UBA1: variants seen among roughly 807,000 people sequenced by gnomAD.
The protein encoded by UBA1 is ubiquitin like modifier activating enzyme 1, also known as ubiquitin-like modifier-activating enzyme 1.
In UBA1, 4 loss-of-function variants were observed where a neutral mutation model predicts 84.7. That is an observed-to-expected ratio of 0.05 (90% CI 0.02 to 0.11). UBA1 has a LOEUF of 0.11. UBA1 is among the 10% of genes least tolerant of loss of function. The pLI, the probability that UBA1 is intolerant of heterozygous loss-of-function variation, is 1.00. For synonymous variants in UBA1, 364 were observed against 362.6 expected, an observed-to-expected ratio of 1.00 and a Z score of -0.04; for missense variants, 513 against 902.8, an observed-to-expected ratio of 0.57 and a Z score of 5.53.
chrX:47,203,027 A>G lies in UBA1; in HGVS notation c.1318A>G (p.Thr440Ala). 1 of 1,210,481 alleles carries G rather than the reference A, an allele frequency of 8.3e-7. No homozygotes were observed. Among genetic ancestry groups the G allele is most frequent in the Non-Finnish European group, 1.1e-6 (1 of 894,092 alleles). ...ECLPEDKEVLTEDKCLQRQNR... is the reference protein window; with the variant it reads ...ECLPEDKEVLAEDKCLQRQNR... The stretch of plus-strand genomic sequence containing the variant: ...TCTCCCTGAGGACAAAGAGGTCCTC[A>G]CAGAGGACAAGTGCCTCCAGGTATG... The change falls in exon 12 of 26, where the codon ACA becomes GCA. Residue 440 changes from threonine (T) to alanine (A), a missense_variant. Around this residue, in one of 6 missense-constraint regions of UBA1, gnomAD observed 227 missense variants for 339.1 expected, o/e 0.67. Coordinates refer to ENST00000335972, the MANE Select transcript of UBA1 (RefSeq NM_003334.4).
At position 47,199,284 on chromosome X, in the gene UBA1, C is replaced by T. The variant is rs147680305; in HGVS notation, c.252C>T (p.Gly84=). 4 of 1,210,549 alleles carry T rather than the reference C, an allele frequency of 3.3e-6. No homozygotes were observed. Among genetic ancestry groups the T allele is most frequent in the South Asian group, 1.8e-5 (1 of 56,886 alleles). Residue 84 remains glycine, a synonymous_variant, in exon 4 of 26, where the codon GGC becomes GGT. Coordinates refer to ENST00000335972, the MANE Select transcript of UBA1 (RefSeq NM_003334.4). ...SVLVSGLRGL[G]VEIAKNIILG... is the part of the protein sequence containing the mutation. ...TGGTATCAGGCCTGCGGGGCCTGGG[C>T]GTGGAGATCGCTAAGAACATCATCC...
At chrX:47,214,681 T>C in intron 25 of UBA1, 44 bp downstream of exon 25, 1 of 1,193,129 alleles carries the variant, frequency 8.4e-7, no homozygotes, top group Non-Finnish European at 1.1e-6. Context: ...CTGTATGGGT[T>C]GGGGAGCCTC....
chrX:47,199,557 T>C lies in UBA1; in HGVS notation c.423T>C (p.Tyr141=), dbSNP rs782435953. The change falls in exon 5 of 26, where the codon TAT becomes TAC. Residue 141 remains tyrosine (Y), a synonymous_variant. Coordinates refer to ENST00000335972, the MANE Select transcript of UBA1 (RefSeq NM_003334.4). ...SQPRLAELNS[Y]VPVTAYTGPL... is the part of the protein sequence containing the mutation. ...CCCGCCTCGCTGAGCTCAACAGCTA[T>C]GTGCCTGTCACTGCCTACACTGGAC... 25 of 1,210,101 alleles carry C rather than the reference T, an allele frequency of 2.1e-5. No homozygotes were observed. The highest frequency in any genetic ancestry group is 2.3e-4 in the Middle Eastern group (1 of 4,377).
chrX:47,206,639 T>G (rs2147275138), intron 16 of UBA1, 195 bp downstream of exon 16: 1 of 447,152 alleles, frequency 2.2e-6, no homozygotes, highest in Admixed American at 3.9e-5. Context: ...TCACTTTTAT[T>G]TTGATTTTTT....
intron 14 of UBA1, among the ~76,000 whole-genome samples, chrX:47,204,680 C>T (rs1484369390): frequency 9.0e-6 from 1 of 111,319 alleles, no homozygotes; most frequent in Non-Finnish European, 1.9e-5. Context: ...AGACACCAGC[C>T]AAGGAGCCGA....
chrX:47,198,837 T>TGTC lies in UBA1; in HGVS notation c.36_38dup (p.Ser13dup), dbSNP rs1468740493. 1.7e-6 allele frequency: 2 copies of TGTC among 1,210,442 alleles called. No individual in the cohort carries two copies. Among genetic ancestry groups the TGTC allele is most frequent in the Non-Finnish European group, 2.2e-6 (2 of 895,333 alleles). ...TCGCCGCTGTCCAAGAAACGTCGCG[T>TGTC]GTCCGGGCCTGATCCAAAGCCGGGT... On this transcript the variant is annotated inframe_insertion, in exon 2 of 26. Transcript: ENST00000335972.
At chrX:47,204,065 C>T (rs1459984016) in intron 14 of UBA1, among the ~76,000 whole-genome samples, 1 of 108,882 alleles carries the variant, frequency 9.2e-6, no homozygotes, top group African/African-American at 3.4e-5. Context: ...TTTCTTGTTC[C>T]CATTCTTTCT....
At chrX:47,211,357 CT>C (rs1451719171) in intron 20 of UBA1, 132 bp downstream of exon 20, 18 of 735,458 alleles carry the variant, frequency 2.4e-5, no homozygotes, top group Non-Finnish European at 3.3e-5. Flanking sequence ...CCACACCTTC[CT>C]TTGAGCCTCC....
chrX:47,213,541 ATAAC>A (rs1937020196), intron 23 of UBA1, among the ~76,000 whole-genome samples: 1 of 112,295 alleles, frequency 8.9e-6, no homozygotes, highest in African/African-American at 3.2e-5. Context: ...GATTATATAA[ATAAC>A]CTATTAAATG....
At chrX:47,213,903 A>AG (rs1937034882) in intron 23 of UBA1, among the ~76,000 whole-genome samples, 1 of 110,915 alleles carries the variant, frequency 9.0e-6, no homozygotes, top group Non-Finnish European at 1.9e-5. Context: ...TGAGAATACC[A>AG]GGGGGCGAGG....
upstream of UBA1, chrX:47,191,788 T>G (rs1936067518): frequency 8.9e-6 from 1 of 112,087 alleles, no homozygotes; most frequent in Non-Finnish European, 1.9e-5. Flanking sequence ...CGTGCTTAAT[T>G]CATGAGGAGC....
In UBA1 at chrX:47,198,992, A is replaced by G. The variant is rs924097897; in HGVS notation, c.118-56A>G. The G allele has an allele frequency of 4.2e-6, 5 of 1,204,081 alleles. No homozygotes were observed. In the African/African-American group the frequency reaches 7.0e-5, roughly 17 times the overall value. The stretch of plus-strand genomic sequence containing the variant: ...AAGTCTTTTGTATCACTGTCTGTCT[A>G]TCCATGCTCCACTCCTGTGTGTCTC... On this transcript the variant is annotated intron_variant, in intron 2 of 25. Transcript: ENST00000335972.
Position 47,202,497 on chromosome X carries a change from G to A in UBA1, c.1049G>A (p.Arg350His), listed in dbSNP as rs5906354. ...CAGCATGGCCGGCCACCTCGGCCCCGCAATGAGGTGGGTGAGTGGGCGAGC... is the reference window on the plus strand; with the variant it reads ...CAGCATGGCCGGCCACCTCGGCCCCACAATGAGGTGGGTGAGTGGGCGAGC... Reference protein sequence around the residue: ...CAQHGRPPRPRNEEDAAELVA... With the variant: ...CAQHGRPPRPHNEEDAAELVA... The change falls in exon 10 of 26, where the codon CGC becomes CAC. Residue 350 changes from arginine to histidine, a missense_variant. Physicochemically the swap from Arg to His is conservative, Grantham distance 29 (BLOSUM62 0). Transcript: ENST00000335972. 533 of 1,199,966 alleles carry A rather than the reference G, an allele frequency of 4.4e-4. No homozygotes were observed. The highest frequency in any genetic ancestry group is 5.6e-4 in the Non-Finnish European group (500 of 889,989).
intron 5 of UBA1, 110 bp from the exon 6 acceptor site, chrX:47,200,784 C>T (rs782419017): frequency 3.4e-6 from 2 of 584,617 alleles, no homozygotes; most frequent in Non-Finnish European, 5.8e-6. Flanking sequence ...GAGGCTGACC[C>T]AGCAAAGCCT....
In UBA1 at chrX:47,193,864, AG is replaced by A. The variant is rs1569204770; in HGVS notation, c.-158del. ...GGCGGCTCGGCTGTAAGGAGGTGGC[AG>A]GGACAACCACAACCACAACGGCCGG... On this transcript the variant is annotated 5_prime_UTR_variant, in exon 1 of 26. Transcript: ENST00000335972. 1 of 111,447 alleles carries A rather than the reference AG, an allele frequency of 9.0e-6. No homozygotes were observed. The highest frequency in any genetic ancestry group is 2.9e-4 in the East Asian group (1 of 3,495). The allele number at this position is 111,447 out of a possible 1,213,427, so 9.2% of individuals were successfully genotyped here.
At chrX:47,197,269 GGTT>G in intron 1 of UBA1, 1 of 754,852 alleles carries the variant, frequency 1.3e-6, no homozygotes. Context: ...GAGTGAATGG[GGTT>G]CTCTAAGCCT....
At chrX:47,200,361 C>A (rs782565401) in intron 5 of UBA1, among the ~76,000 whole-genome samples, 3 of 112,201 alleles carry the variant, frequency 2.7e-5, no homozygotes, top group South Asian at 3.7e-4. Context: ...AAAGTCCAGG[C>A]CGGAAAGAGG....
intron 1 of UBA1, among the ~76,000 whole-genome samples, chrX:47,194,668 C>A (rs1212266887): frequency 1.8e-5 from 2 of 111,890 alleles, no homozygotes; most frequent in African/African-American, 6.5e-5. Flanking sequence ...CGTCAGGTCT[C>A]CTAACCCCAC....
chrX:47,193,393 G>A (rs1936096813), upstream of UBA1, among the ~76,000 whole-genome samples: 1 of 111,517 alleles, frequency 9.0e-6, no homozygotes, highest in African/African-American at 3.3e-5. Flanking sequence ...CATTATTCAT[G>A]AGTAAGTTGT....
Sources: gnomAD v4.1 joint callset for allele counts (sites outside exome capture counted in the v4.1 genomes callset) on GRCh38, gnomAD v4.1.1 for gene constraint, gnomAD v4.1.1 regional missense constraint, MANE v1.5 for transcripts, NCBI Gene and HGNC (gene_info 2026-07-23, HGNC 2026-07-21) for gene names.